The following FHIT variants were observed in gnomAD, a reference collection of about 807,000 sequenced individuals.
The protein encoded by FHIT is fragile histidine triad diadenosine triphosphatase, also known as bis(5'-adenosyl)-triphosphatase.
A neutral mutation model predicts 17.9 loss-of-function variants in FHIT; 19 were observed. The observed-to-expected ratio is 1.06, with a 90% CI of 0.74 to 1.56. The LOEUF (loss-of-function observed/expected upper bound fraction) is 1.56. Among genes scored for constraint, FHIT ranks in the 40% most tolerant of loss-of-function variants. The pLI is 0.00. For synonymous variants in FHIT, 81 were observed against 69.7 expected (o/e 1.16, Z -0.81); for missense variants, 248 against 189.2 (o/e 1.31, Z -1.82).
intron 5 of FHIT, among the ~76,000 whole-genome samples, chr3:60,255,488 G>A (rs1027616638): frequency 1.3e-5 from 2 of 152,010 alleles, no homozygotes; most frequent in Non-Finnish European, 2.9e-5. Context: ...CAGCCGGACA[G>A]AGCAAGCACC....
In FHIT at chr3:59,749,178, A is replaced by ATTC. The variant is rs1700746340; in HGVS notation, c.*406_*407insGAA. ...TAATGTATAAAAATTCAATATGTAG[A>ATTC]CATTTTTTTTGAAAAGGGAAGAAAT... On this transcript the variant is annotated 3_prime_UTR_variant, in exon 10 of 10. Transcript: ENST00000492590. The ATTC allele has an allele frequency of 1.7e-5, 4 of 229,824 alleles. No individual in the cohort carries two copies. The highest frequency in any genetic ancestry group is 8.9e-5 in the African/African-American group (4 of 45,172). The allele number at this position is 229,824 out of a possible 1,614,324, so 14.2% of individuals were successfully genotyped here. A position where few individuals can be genotyped will look rare whatever the true frequency, so the allele number is the denominator to read the frequency against.
chr3:59,807,472 T>C (rs1700248164), intron 8 of FHIT, among the ~76,000 whole-genome samples: 1 of 152,206 alleles, frequency 6.6e-6, no homozygotes, highest in Non-Finnish European at 1.5e-5. Flanking sequence ...GGAAGCCCTC[T>C]TGTCTTCCAT....
chr3:60,078,698 C>T (rs1703141797), intron 5 of FHIT, among the ~76,000 whole-genome samples: 1 of 152,066 alleles, frequency 6.6e-6, no homozygotes, highest in Non-Finnish European at 1.5e-5. Flanking sequence ...TGTTTAAATA[C>T]ACTAAAGGAG....
chr3:60,715,464 C>T (rs2041658077), intron 4 of FHIT, among the ~76,000 whole-genome samples: 1 of 152,040 alleles, frequency 6.6e-6, no homozygotes, highest in Non-Finnish European at 1.5e-5. Flanking sequence ...AGTTCATGTC[C>T]TTTGTAGGGA....
chr3:60,716,136 C>T (rs1376845736), intron 4 of FHIT, among the ~76,000 whole-genome samples: 4 of 151,918 alleles, frequency 2.6e-5, no homozygotes, highest in Admixed American at 6.6e-5. Context: ...CCCAGCTACT[C>T]GGGAGGCTGA....
intron 5 of FHIT, among the ~76,000 whole-genome samples, chr3:60,491,584 A>T (rs2034070748): frequency 1.3e-5 from 2 of 152,236 alleles, no homozygotes; most frequent in South Asian, 4.1e-4. Flanking sequence ...TAAAATCTGC[A>T]TACAAAATTT....
chr3:60,245,997 C>A (rs972946826), intron 5 of FHIT, among the ~76,000 whole-genome samples: 1 of 151,852 alleles, frequency 6.6e-6, no homozygotes, highest in Admixed American at 6.6e-5. Flanking sequence ...CTTAAATTTG[C>A]CTATGCTTAT....
At chr3:59,786,949 T>C (rs1699334226) in intron 8 of FHIT, among the ~76,000 whole-genome samples, 1 of 152,144 alleles carries the variant, frequency 6.6e-6, no homozygotes, top group South Asian at 2.1e-4. Flanking sequence ...CTTTCTACCT[T>C]AGAAACAAAG....
chr3:60,515,962 T>G (rs1449044505), intron 5 of FHIT, among the ~76,000 whole-genome samples: 3 of 152,208 alleles, frequency 2.0e-5, no homozygotes, highest in Non-Finnish European at 4.4e-5. Flanking sequence ...AAAATCACCT[T>G]TGCCTTCAGG....
chr3:61,099,268 G>A (rs953085250), intron 2 of FHIT, among the ~76,000 whole-genome samples: 1 of 152,198 alleles, frequency 6.6e-6, no homozygotes, highest in Non-Finnish European at 1.5e-5. Context: ...CAGGGATAAA[G>A]GTTACTTAAT....
At chr3:60,502,701 G>A (rs2034571457) in intron 5 of FHIT, among the ~76,000 whole-genome samples, 1 of 152,134 alleles carries the variant, frequency 6.6e-6, no homozygotes, top group South Asian at 2.1e-4. Context: ...TAAACCCAAT[G>A]GCAGTGACAA....
intron 4 of FHIT, among the ~76,000 whole-genome samples, chr3:60,683,776 T>C (rs1318069626): frequency 6.6e-6 from 1 of 152,196 alleles, no homozygotes; most frequent in Non-Finnish European, 1.5e-5. Context: ...AGAAATTCAC[T>C]AGAGGGTTGG....
At chr3:60,714,930 A>C (rs1553706262) in intron 4 of FHIT, among the ~76,000 whole-genome samples, 1 of 152,192 alleles carries the variant, frequency 6.6e-6, no homozygotes, top group African/African-American at 2.4e-5. Flanking sequence ...ATTGGAAAAA[A>C]CTACTTTAAA....
At chr3:61,053,236 T>C (rs1197116188) in intron 2 of FHIT, among the ~76,000 whole-genome samples, 1 of 152,142 alleles carries the variant, frequency 6.6e-6, no homozygotes, top group Non-Finnish European at 1.5e-5. Context: ...CAACCTGCCA[T>C]GCCTCTTGAG....
At chr3:60,474,252 C>A (rs1358590019) in intron 5 of FHIT, among the ~76,000 whole-genome samples, 1 of 152,154 alleles carries the variant, frequency 6.6e-6, no homozygotes, top group Non-Finnish European at 1.5e-5. Context: ...CTTCATTAAG[C>A]TTATTTTTTC....
intron 4 of FHIT, among the ~76,000 whole-genome samples, chr3:60,756,286 G>C (rs951734014): frequency 1.3e-5 from 2 of 152,150 alleles, no homozygotes; most frequent in African/African-American, 4.8e-5. Flanking sequence ...AATGGGGTGA[G>C]TATTGTACAA....
intron 2 of FHIT, among the ~76,000 whole-genome samples, chr3:61,128,511 C>T (rs569076354): frequency 2.0e-5 from 3 of 152,162 alleles, no homozygotes; most frequent in South Asian, 2.1e-4. Flanking sequence ...AGCTGAAATG[C>T]GCTTCCGTCA....
intron 5 of FHIT, among the ~76,000 whole-genome samples, chr3:60,432,564 T>C (rs1702956872): frequency 6.6e-6 from 1 of 152,094 alleles, no homozygotes; most frequent in African/African-American, 2.4e-5. Context: ...GGATGGCTTA[T>C]CAGTACTTCA....
intron 1 of FHIT, among the ~76,000 whole-genome samples, chr3:61,218,772 A>G (rs2039755565): frequency 6.6e-6 from 1 of 152,154 alleles, no homozygotes; most frequent in African/African-American, 2.4e-5. Flanking sequence ...GCACTACTTT[A>G]TCGTGTGTTT....
Sources: allele counts gnomAD v4.1 joint callset (sites outside exome capture counted in the v4.1 genomes callset), GRCh38; gene constraint gnomAD v4.1.1; transcripts MANE v1.5; gene names NCBI Gene and HGNC (gene_info 2026-07-23, HGNC 2026-07-21).